Variants in ADAMTSL1 observed in about 807,000 individuals in gnomAD.
ADAMTSL1 encodes the protein ADAMTS like 1, also known as ADAMTS-like protein 1.
A neutral mutation model predicts 201.8 loss-of-function variants in ADAMTSL1; 126 were observed. The ratio of observed to expected loss-of-function variants is 0.62; its 90% CI spans 0.54 to 0.72. The LOEUF (loss-of-function observed/expected upper bound fraction) is 0.72, where lower values mean the gene tolerates loss of function less well. Ranked by LOEUF, ADAMTSL1 falls within the 30% of genes least tolerant of loss-of-function variation. ADAMTSL1 has a pLI of 0.00. For missense variants in ADAMTSL1, 2,679 were observed against 2,277.8 expected, an observed-to-expected ratio of 1.18 and a Z score of -3.59; for synonymous variants, 1,121 against 903.4, an observed-to-expected ratio of 1.24 and a Z score of -4.32.
intron 2 of ADAMTSL1, among the ~76,000 whole-genome samples, chr9:18,527,461 G>A (rs1645983217): frequency 6.6e-6 from 1 of 152,166 alleles, no homozygotes; most frequent in South Asian, 2.1e-4. Flanking sequence ...AAGTAAAGGA[G>A]CGATAAATCA....
In ADAMTSL1 at chr9:18,219,937, C is replaced by T. The variant is rs190477686; in HGVS notation, c.207+55956C>T. 7.2e-4 allele frequency among the ~76,000 whole-genome samples: 110 copies of T among 151,832 alleles called. 1 individual carries two copies. Among genetic ancestry groups the T allele is most frequent in the Admixed American group, 1.2e-3 (19 of 15,240 alleles). On this transcript the variant is annotated intron_variant, in intron 2 of 29. Transcript: ENST00000680146. Reference sequence around the variant, plus strand: ...GACTTGCTTTGATTTTCTGTGTAAACGTATCAGAAAATAAGGACAGTTTTG... The same window carrying T: ...GACTTGCTTTGATTTTCTGTGTAAATGTATCAGAAAATAAGGACAGTTTTG...
At chr9:18,520,459 C>T (rs1219538312) in intron 2 of ADAMTSL1, among the ~76,000 whole-genome samples, 1 of 152,206 alleles carries the variant, frequency 6.6e-6, no homozygotes, top group Non-Finnish European at 1.5e-5. Flanking sequence ...AAACTGAGGT[C>T]ACAAAAATAT....
At chr9:18,625,866 C>A (rs1302795028) in intron 5 of ADAMTSL1, among the ~76,000 whole-genome samples, 1 of 152,104 alleles carries the variant, frequency 6.6e-6, no homozygotes, top group Non-Finnish European at 1.5e-5. Context: ...TCACTTATAT[C>A]AAGATAAAAT....
intron 22 of ADAMTSL1, among the ~76,000 whole-genome samples, chr9:18,827,993 A>C (rs1444807608): frequency 6.6e-6 from 1 of 152,218 alleles, no homozygotes; most frequent in Non-Finnish European, 1.5e-5. Flanking sequence ...TAATTTTTAA[A>C]GGGGGCATTT....
intron 2 of ADAMTSL1, among the ~76,000 whole-genome samples, chr9:18,230,777 C>G (rs371859376): frequency 6.6e-6 from 1 of 151,994 alleles, no homozygotes; most frequent in African/African-American, 2.4e-5. Context: ...AATAAATGAC[C>G]AAACTCATGG....
chr9:18,178,749 AC>A (rs963103456), intron 2 of ADAMTSL1, among the ~76,000 whole-genome samples: 1 of 151,970 alleles, frequency 6.6e-6, no homozygotes, highest in African/African-American at 2.4e-5. Context: ...ACTGGGAGGC[AC>A]CCCCAAGCAG....
chr9:17,935,672 C>G (rs1826976696), intron 1 of ADAMTSL1, among the ~76,000 whole-genome samples: 1 of 152,216 alleles, frequency 6.6e-6, no homozygotes, highest in South Asian at 2.1e-4. Context: ...CTATTTCTCT[C>G]ACACCCCTTG....
At chr9:18,600,523 T>C (rs1462268662) in intron 4 of ADAMTSL1, among the ~76,000 whole-genome samples, 3 of 152,218 alleles carry the variant, frequency 2.0e-5, no homozygotes, top group Non-Finnish European at 4.4e-5. Context: ...TGAGAATCTA[T>C]GACTGGATAC....
intron 2 of ADAMTSL1, among the ~76,000 whole-genome samples, chr9:18,267,863 A>C (rs907941552): frequency 1.3e-5 from 2 of 151,844 alleles, no homozygotes; most frequent in African/African-American, 4.8e-5. Flanking sequence ...TGAAACATAC[A>C]TTCTTCTTTG....
chr9:18,029,397 C>T (rs531249962), intron 1 of ADAMTSL1, among the ~76,000 whole-genome samples: 11 of 152,150 alleles, frequency 7.2e-5, no homozygotes, highest in East Asian at 1.9e-4. Context: ...AAAATTAATT[C>T]GAAATGGATT....
chr9:18,448,608 T>C (rs1004665468), intron 2 of ADAMTSL1, among the ~76,000 whole-genome samples: 1 of 152,332 alleles, frequency 6.6e-6, no homozygotes, highest in East Asian at 1.9e-4. Context: ...TAATTGTAGA[T>C]GTTTCTGCTA....
chr9:18,414,155 T>C (rs1290191848), intron 2 of ADAMTSL1, among the ~76,000 whole-genome samples: 2 of 151,996 alleles, frequency 1.3e-5, no homozygotes, highest in African/African-American at 2.4e-5. Context: ...ATCATAAAAT[T>C]TCATCACTTA....
chr9:18,380,131 C>T (rs1448312800), intron 2 of ADAMTSL1, among the ~76,000 whole-genome samples: 4 of 152,178 alleles, frequency 2.6e-5, no homozygotes, highest in African/African-American at 7.2e-5. Context: ...TTTAAGATTT[C>T]TCACTGTTTA....
At chr9:17,912,885 G>C (rs572267358) in intron 1 of ADAMTSL1, among the ~76,000 whole-genome samples, 1 of 152,016 alleles carries the variant, frequency 6.6e-6, no homozygotes, top group South Asian at 2.1e-4. Context: ...AAGGGATCCA[G>C]TTTCAGCTTT....
chr9:18,459,870 A>G (rs907558344), intron 2 of ADAMTSL1, among the ~76,000 whole-genome samples: 3 of 152,222 alleles, frequency 2.0e-5, no homozygotes, highest in Admixed American at 6.5e-5. Flanking sequence ...CTAATCAAAA[A>G]TTGACAAAGA....
At chr9:18,586,022 C>T (rs1823465956) in intron 4 of ADAMTSL1, among the ~76,000 whole-genome samples, 3 of 152,152 alleles carry the variant, frequency 2.0e-5, no homozygotes, top group African/African-American at 7.2e-5. Context: ...CCTTTTAAAA[C>T]CAACACAAGA....
intron 2 of ADAMTSL1, among the ~76,000 whole-genome samples, chr9:18,231,842 G>A (rs900706543): frequency 1.3e-5 from 2 of 152,158 alleles, no homozygotes; most frequent in African/African-American, 2.4e-5. Context: ...CAGGCTTACA[G>A]CAAATACTAC....
chr9:18,083,228 A>G (rs1823591572), intron 1 of ADAMTSL1, among the ~76,000 whole-genome samples: 1 of 152,134 alleles, frequency 6.6e-6, no homozygotes, highest in Admixed American at 6.6e-5. Flanking sequence ...AGGCTGGGGG[A>G]CCTACAAGTA....
At chr9:18,499,379 T>C (rs1180538020) in intron 1 of ADAMTSL1, among the ~76,000 whole-genome samples, 2 of 152,184 alleles carry the variant, frequency 1.3e-5, no homozygotes, top group Non-Finnish European at 2.9e-5. Flanking sequence ...CCCTACCACA[T>C]ACAGTTGGCG....
Sources: allele counts gnomAD v4.1 joint callset (sites outside exome capture counted in the v4.1 genomes callset), GRCh38; gene constraint gnomAD v4.1.1; transcripts MANE v1.5; gene names NCBI Gene and HGNC (gene_info 2026-07-23, HGNC 2026-07-21).